The following NCOA3 variants were observed in gnomAD, a reference collection of about 807,000 sequenced individuals.
The protein encoded by NCOA3 is nuclear receptor coactivator 3.
In NCOA3, 51 loss-of-function variants were observed where a neutral mutation model predicts 158.8. The ratio of observed to expected loss-of-function variants is 0.32; its 90% CI spans 0.26 to 0.41. The LOEUF (loss-of-function observed/expected upper bound fraction) is 0.41, where lower values mean the gene tolerates loss of function less well. Ranked by LOEUF, NCOA3 falls within the 10% of genes least tolerant of loss-of-function variation. The pLI, the probability that NCOA3 is intolerant of heterozygous loss-of-function variation, is 1.00. For synonymous variants in NCOA3, 537 were observed against 592.4 expected (o/e 0.91, Z 1.36); for missense variants, 1,510 against 1,746.6 (o/e 0.86, Z 2.41).
intron 1 of NCOA3, among the ~76,000 whole-genome samples, chr20:47,574,417 T>C (rs2085341452): frequency 6.6e-6 from 1 of 152,124 alleles, no homozygotes; most frequent in Non-Finnish European, 1.5e-5. Context: ...CTAGCATGCA[T>C]TGTAACTACT....
intron 5 of NCOA3, 139 bp downstream of exon 5, chr20:47,625,620 C>T (rs2086309634): frequency 1.6e-6 from 1 of 643,684 alleles, no homozygotes; most frequent in Non-Finnish European, 2.7e-6. Flanking sequence ...GTTCAGTATT[C>T]TGAATATGAT....
At chr20:47,539,541 C>T (rs2084689158) in intron 1 of NCOA3, among the ~76,000 whole-genome samples, 1 of 152,264 alleles carries the variant, frequency 6.6e-6, no homozygotes, top group African/African-American at 2.4e-5. Context: ...TGGCAAAGTG[C>T]TAAGCTCTTT....
At chr20:47,524,217 T>C (rs1010312805) in intron 1 of NCOA3, among the ~76,000 whole-genome samples, 11 of 151,920 alleles carry the variant, frequency 7.2e-5, no homozygotes, top group Non-Finnish European at 1.3e-4. Context: ...TGCCAGAATG[T>C]AGAGAGAGAG....
intron 2 of NCOA3, among the ~76,000 whole-genome samples, chr20:47,621,348 T>C (rs2086237468): frequency 6.6e-6 from 1 of 152,178 alleles, no homozygotes; most frequent in Non-Finnish European, 1.5e-5. Flanking sequence ...TCTTCCTTCC[T>C]GGTAGCATTC....
At chr20:47,578,054 T>C (rs190890533) in intron 1 of NCOA3, among the ~76,000 whole-genome samples, 2 of 152,312 alleles carry the variant, frequency 1.3e-5, no homozygotes, top group East Asian at 3.8e-4. Context: ...GTCTTACCAA[T>C]GTTCTCCTGG....
chr20:47,632,338 T>C (rs1039711769), intron 8 of NCOA3, among the ~76,000 whole-genome samples: 1 of 151,854 alleles, frequency 6.6e-6, no homozygotes, highest in African/African-American at 2.4e-5. Context: ...AGCACCTTAA[T>C]GTACTCATCC....
intron 8 of NCOA3, chr20:47,631,228 A>T (rs185589738): frequency 1.3e-5 from 2 of 152,362 alleles, no homozygotes; most frequent in East Asian, 1.9e-4. Context: ...CAGTTTCATC[A>T]TTATGCAGAT....
At chr20:47,622,481 T>A (rs1252973645) in intron 3 of NCOA3, 151 bp downstream of exon 3, 1 of 497,714 alleles carries the variant, frequency 2.0e-6, no homozygotes, top group Non-Finnish European at 3.6e-6. Context: ...GATGGACATC[T>A]TTTTGATGTA....
At chr20:47,591,095 G>C (rs1049624943) in intron 2 of NCOA3, among the ~76,000 whole-genome samples, 3 of 152,152 alleles carry the variant, frequency 2.0e-5, no homozygotes, top group African/African-American at 7.2e-5. Context: ...GGGAAACAGA[G>C]TAAGATTGTG....
Position 47,633,583 on chromosome 20 carries a change from T to C in NCOA3, c.911T>C (p.Phe304Ser). 1 of 1,614,102 alleles carries C rather than the reference T, an allele frequency of 6.2e-7. No homozygotes were observed. Among genetic ancestry groups the C allele is most frequent in the Non-Finnish European group, 8.5e-7 (1 of 1,179,954 alleles). The change falls in exon 9 of 23, where the codon TTT becomes TCT. Residue 304 changes from phenylalanine to serine, a missense_variant. This residue lies in a region of NCOA3 where 309 missense variants were observed against 427.1 expected (regional missense o/e 0.72). Coordinates refer to ENST00000371998, the MANE Select transcript of NCOA3 (RefSeq NM_181659.3). ...ATAATCCGAAGGTGTATTCAGAGAT[T>C]TTTTAGTCTAAATGATGGGCAGTCA... is the stretch of plus-strand genomic sequence containing the variant. ...EDIIRRCIQR[F>S]FSLNDGQSWS...
chr20:47,566,370 CACCATTATATA>C (rs754674898), intron 1 of NCOA3, among the ~76,000 whole-genome samples: 4 of 143,478 alleles, frequency 2.8e-5, no homozygotes, highest in Non-Finnish European at 6.4e-5. Context: ...TAATGAAATC[CACCATTATATA>C]GCGCTATCTG....
chr20:47,510,432 CAA>C (rs59554529), intron 1 of NCOA3, among the ~76,000 whole-genome samples: 4 of 67,876 alleles, frequency 5.9e-5, no homozygotes, highest in Admixed American at 5.2e-4. Context: ...GACTCCATCT[CAA>C]AAAAAAAAAA....
chr20:47,514,713 C>CTTTT (rs143888226), intron 1 of NCOA3, among the ~76,000 whole-genome samples: 71 of 104,992 alleles, frequency 6.8e-4, no homozygotes, highest in Non-Finnish European at 9.9e-4. Flanking sequence ...TTGTTTTTTG[C>CTTTT]TTTTTTTTTT....
At chr20:47,537,939 G>T (rs533157694) in intron 1 of NCOA3, among the ~76,000 whole-genome samples, 2 of 151,950 alleles carry the variant, frequency 1.3e-5, no homozygotes, top group East Asian at 3.9e-4. Context: ...GAGTGAAGTG[G>T]CTCAATCTTG....
chr20:47,563,830 A>C (rs928823246), intron 1 of NCOA3, among the ~76,000 whole-genome samples: 2 of 148,454 alleles, frequency 1.3e-5, no homozygotes, highest in African/African-American at 5.0e-5. Flanking sequence ...CGGAGCTTGC[A>C]GTGAGCCAAG....
chr20:47,512,802 A>C (rs1017124880), intron 1 of NCOA3, among the ~76,000 whole-genome samples: 1 of 152,190 alleles, frequency 6.6e-6, no homozygotes, highest in Non-Finnish European at 1.5e-5. Context: ...ACGTGGATAC[A>C]TGGCTAGGAG....
chr20:47,568,826 T>C (rs2085243980), intron 1 of NCOA3, among the ~76,000 whole-genome samples: 2 of 152,144 alleles, frequency 1.3e-5, no homozygotes, highest in Non-Finnish European at 2.9e-5. Context: ...TAAAAAATGC[T>C]GATTGATCAT....
chr20:47,633,697 A>G, intron 9 of NCOA3, 61 bp downstream of exon 9: 6 of 1,551,142 alleles, frequency 3.9e-6, no homozygotes, highest in South Asian at 2.4e-5. Flanking sequence ...GGGCCTTGCT[A>G]TCTTGCCCAG....
At chr20:47,585,083 C>T (rs1451706259) in intron 2 of NCOA3, among the ~76,000 whole-genome samples, 2 of 137,380 alleles carry the variant, frequency 1.5e-5, no homozygotes, top group Non-Finnish European at 3.0e-5. Context: ...AGACAGACTC[C>T]CTCTGTCACC....
Sources: allele counts gnomAD v4.1 joint callset (sites outside exome capture counted in the v4.1 genomes callset), GRCh38; gene constraint gnomAD v4.1.1; regional missense constraint gnomAD v4.1.1; transcripts MANE v1.5; gene names NCBI Gene and HGNC (gene_info 2026-07-23, HGNC 2026-07-21).